The following CHST12 variants were observed in gnomAD, a reference collection of about 807,000 sequenced individuals.
CHST12 encodes carbohydrate sulfotransferase 12.
CHST12 carries 23 observed loss-of-function variants against 27.9 expected under a neutral mutation model. The observed-to-expected ratio is 0.82, with a 90% CI of 0.59 to 1.17. CHST12 has a LOEUF of 1.17. Among genes scored for constraint, CHST12 ranks in the 50% most tolerant of loss-of-function variants. The pLI is 0.00. For synonymous variants in CHST12, 322 were observed against 273.0 expected, an observed-to-expected ratio of 1.18 and a Z score of -1.77; for missense variants, 682 against 603.0, an observed-to-expected ratio of 1.13 and a Z score of -1.37.
chr7:2,448,284 C>G lies in CHST12; in HGVS notation c.*14400C>G, dbSNP rs1045288106. 1.3e-5 allele frequency: 2 copies of G among 152,296 alleles called. No individual in the cohort carries two copies. Among genetic ancestry groups the G allele is most frequent in the African/African-American group, 2.4e-5 (1 of 41,456 alleles). The allele number at this position is 152,296 out of a possible 1,614,324, so 9.4% of individuals were successfully genotyped here. A position where few individuals can be genotyped will look rare whatever the true frequency, so the allele number is the denominator to read the frequency against. On this transcript the variant is annotated 3_prime_UTR_variant, in exon 2 of 2. Coordinates refer to ENST00000618655, the MANE Select transcript of CHST12 (RefSeq NM_018641.5). The stretch of plus-strand genomic sequence containing the variant: ...GGTTGTCTCTGCCTCCCCTTGCACC[C>G]CTTGAATGGCGGGCTCCCTCTCCCA...
intron 1 of CHST12, among the ~76,000 whole-genome samples, chr7:2,411,235 A>G (rs1242095296): frequency 6.6e-6 from 1 of 151,914 alleles, no homozygotes; most frequent in Non-Finnish European, 1.5e-5. Flanking sequence ...GGTGTATACT[A>G]CCATACCTGG....
At chr7:2,427,635 A>G (rs908039881) in intron 1 of CHST12, among the ~76,000 whole-genome samples, 6 of 152,082 alleles carry the variant, frequency 3.9e-5, no homozygotes, top group African/African-American at 1.4e-4. Context: ...TAGATGCCCT[A>G]TAAGTTGAGG....
intron 1 of CHST12, among the ~76,000 whole-genome samples, chr7:2,426,553 G>A (rs1211580038): frequency 6.6e-6 from 1 of 152,054 alleles, no homozygotes; most frequent in African/African-American, 2.4e-5. Context: ...GGGGCGGGTA[G>A]ACAGATGTCC....
chr7:2,417,683 C>T (rs1044169088), intron 1 of CHST12, among the ~76,000 whole-genome samples: 19 of 152,152 alleles, frequency 1.2e-4, no homozygotes, highest in African/African-American at 4.3e-4. Context: ...AGCCACCACA[C>T]CTGGCCTTAC....
intron 1 of CHST12, among the ~76,000 whole-genome samples, chr7:2,405,698 G>T (rs1416778059): frequency 6.6e-6 from 1 of 152,156 alleles, no homozygotes; most frequent in Non-Finnish European, 1.5e-5. Flanking sequence ...CCACTGGGCG[G>T]TGGCGCTTTG....
At chr7:2,426,668 T>C (rs919250862) in intron 1 of CHST12, among the ~76,000 whole-genome samples, 2 of 151,470 alleles carry the variant, frequency 1.3e-5, no homozygotes, top group Non-Finnish European at 2.9e-5. Flanking sequence ...GTTGCTAATA[T>C]TAAAAAAATA....
rs1050030426 is a variant in CHST12 at position 2,442,169 on chromosome 7, T to G, written c.*8285T>G. ...TGTCCTTTTGTGTCTGGCTTCTTCATGTAGTATAATGTCTTCAAGGTTCAT... is the reference window on the plus strand; with the variant it reads ...TGTCCTTTTGTGTCTGGCTTCTTCAGGTAGTATAATGTCTTCAAGGTTCAT... On this transcript the variant is annotated 3_prime_UTR_variant, in exon 2 of 2. Transcript: ENST00000618655. The G allele has an allele frequency of 3.9e-5, 6 of 152,206 alleles. No homozygotes were observed. Among genetic ancestry groups the G allele is most frequent in the African/African-American group, 1.2e-4 (5 of 41,450 alleles). 9.4% of individuals were successfully genotyped at this position (152,206 alleles called of 1,614,324 possible).
Position 2,440,374 on chromosome 7 carries a change from CAAGTGT to C in CHST12, c.*6491_*6496del, listed in dbSNP as rs1422877134. On this transcript the variant is annotated 3_prime_UTR_variant, in exon 2 of 2. Transcript: ENST00000618655. The stretch of plus-strand genomic sequence containing the variant: ...GCGAGTGCATGTGCAAGTGTGCGTG[CAAGTGT>C]GAGTCTGCACTTGTGTGCAAGAGAA... 7 of 153,950 alleles carry C rather than the reference CAAGTGT, an allele frequency of 4.5e-5. No individual in the cohort carries two copies. The highest frequency in any genetic ancestry group is 1.7e-4 in the African/African-American group (7 of 41,274). The allele number at this position is 153,950 out of a possible 1,614,324, so 9.5% of individuals were successfully genotyped here.
In CHST12 at chr7:2,443,846, C is replaced by G. The variant is rs899681607; in HGVS notation, c.*9962C>G. 6.6e-6 allele frequency: 1 copy of G among 152,114 alleles called. No homozygotes were observed. Among genetic ancestry groups the G allele is most frequent in the African/African-American group, 2.4e-5 (1 of 41,414 alleles). 9.4% of individuals were successfully genotyped at this position (152,114 alleles called of 1,614,324 possible). On this transcript the variant is annotated 3_prime_UTR_variant, in exon 2 of 2. Transcript: ENST00000618655. ...CTTCTCTCTCAAACCATGGATGGTG[C>G]CTTTTAAAGAAAATGACACCGGCCA...
intron 1 of CHST12, among the ~76,000 whole-genome samples, chr7:2,427,314 C>T (rs1782149365): frequency 1.3e-5 from 2 of 152,162 alleles, no homozygotes. Context: ...GCCGGGTTAA[C>T]ATGGTGAGAC....
chr7:2,406,340 A>G (rs2115377676), intron 1 of CHST12, among the ~76,000 whole-genome samples: 1 of 141,622 alleles, frequency 7.1e-6, no homozygotes, highest in South Asian at 2.4e-4. Context: ...TCAGAGAAGA[A>G]TGGGAGACAG....
chr7:2,406,888 G>A (rs540408515), intron 1 of CHST12, among the ~76,000 whole-genome samples: 5 of 152,094 alleles, frequency 3.3e-5, no homozygotes, highest in Non-Finnish European at 5.9e-5. Flanking sequence ...ACCAGAGAGC[G>A]TGCAGGAAGG....
chr7:2,419,789 C>T (rs988876383), intron 1 of CHST12, among the ~76,000 whole-genome samples: 2 of 151,714 alleles, frequency 1.3e-5, no homozygotes, highest in African/African-American at 4.8e-5. Context: ...CATCACTCTG[C>T]AGCAATCACC....
intron 1 of CHST12, among the ~76,000 whole-genome samples, chr7:2,408,797 G>A (rs977181962): frequency 6.6e-6 from 1 of 152,186 alleles, no homozygotes; most frequent in African/African-American, 2.4e-5. Context: ...GTGGGAACAG[G>A]ATTTCCCCCA....
intron 1 of CHST12, among the ~76,000 whole-genome samples, chr7:2,411,140 T>G (rs1025740154): frequency 6.6e-6 from 1 of 152,134 alleles, no homozygotes; most frequent in African/African-American, 2.4e-5. Context: ...TGGAGTACAG[T>G]GGTGTGATCA....
At chr7:2,421,330 C>CA (rs1183044408) in intron 1 of CHST12, among the ~76,000 whole-genome samples, 4 of 148,508 alleles carry the variant, frequency 2.7e-5, no homozygotes. Context: ...ACTGCAGCCT[C>CA]AAACTCTTGG....
chr7:2,443,817 ATCTCT>A lies in CHST12; in HGVS notation c.*9939_*9943del, dbSNP rs1782678264. 1 of 152,028 alleles carries A rather than the reference ATCTCT, an allele frequency of 6.6e-6. No individual in the cohort carries two copies. Among genetic ancestry groups the A allele is most frequent in the Non-Finnish European group, 1.5e-5 (1 of 68,000 alleles). 9.4% of individuals were successfully genotyped at this position (152,028 alleles called of 1,614,324 possible). ...TTCCGGAGGGTCCACCGGTGGTCTC[ATCTCT>A]TCTCTCTCAAACCATGGATGGTGCC... is the stretch of plus-strand genomic sequence containing the variant. On this transcript the variant is annotated 3_prime_UTR_variant, in exon 2 of 2. Coordinates refer to ENST00000618655, the MANE Select transcript of CHST12 (RefSeq NM_018641.5).
chr7:2,415,622 T>TC (rs1781784418), intron 1 of CHST12, among the ~76,000 whole-genome samples: 1 of 151,044 alleles, frequency 6.6e-6, no homozygotes. Context: ...TTTTTTCTTT[T>TC]TTTTTTTTTT....
chr7:2,433,872 C>T lies in CHST12; in HGVS notation c.1233C>T (p.Leu411=), dbSNP rs1054339485. 4 of 1,567,998 alleles carry T rather than the reference C, an allele frequency of 2.6e-6. No individual in the cohort carries two copies. The Admixed American group carries it at 5.8e-5, about 23-fold the overall frequency. Residue 411 remains leucine (L), a synonymous_variant, in exon 2 of 2, where the codon CTC becomes CTT. Coordinates refer to ENST00000618655, the MANE Select transcript of CHST12 (RefSeq NM_018641.5). The surrounding 1 kb of genome is among the most constrained non-coding windows in gnomAD (Gnocchi z 6.1). ...TCGGCTACCCCAAGCCCGAAAACCTCCTCCGAGACTGAAAGCTTTCGCGTT... is the reference window on the plus strand; with the variant it reads ...TCGGCTACCCCAAGCCCGAAAACCTTCTCCGAGACTGAAAGCTTTCGCGTT... ...VLFGYPKPEN[L]LRD
Sources: gnomAD v4.1 joint callset for allele counts (sites outside exome capture counted in the v4.1 genomes callset) on GRCh38, gnomAD v4.1.1 for gene constraint, Gnocchi (gnomAD v3.1) non-coding constraint, MANE v1.5 for transcripts, NCBI Gene and HGNC (gene_info 2026-07-23, HGNC 2026-07-21) for gene names.